The following RTTN variants were observed in gnomAD, a reference collection of about 807,000 sequenced individuals.
RTTN encodes the protein rotatin.
Under a neutral mutation model 269.2 loss-of-function variants are expected in RTTN, and 182 were observed. That is an observed-to-expected ratio of 0.68 (90% CI 0.60 to 0.76). The LOEUF (loss-of-function observed/expected upper bound fraction) is 0.76, where lower values mean the gene tolerates loss of function less well. RTTN is among the 30% of genes least tolerant of loss of function. The probability of loss-of-function intolerance (pLI) is 0.00; values close to 1 mark genes in which losing one functional copy is unlikely to be tolerated. For missense variants in RTTN, 2,545 were observed against 2,608.6 expected (o/e 0.98, Z 0.53); for synonymous variants, 1,006 against 963.5 (o/e 1.04, Z -0.82).
At chr18:70,089,487 C>G (rs936977851) in intron 30 of RTTN, among the ~76,000 whole-genome samples, 16 of 152,008 alleles carry the variant, frequency 1.1e-4, no homozygotes, top group African/African-American at 3.9e-4. Flanking sequence ...GTTATGGAAG[C>G]CTGAGCACAC....
intron 23 of RTTN, chr18:70,131,485 T>C (rs575321259): frequency 1.3e-5 from 2 of 151,584 alleles, no homozygotes; most frequent in African/African-American, 2.4e-5. Context: ...AGGAAGTAAA[T>C]TATAATCTCT....
intron 10 of RTTN, among the ~76,000 whole-genome samples, chr18:70,181,232 A>C (rs2061415307): frequency 1.3e-5 from 2 of 152,234 alleles, no homozygotes; most frequent in East Asian, 3.8e-4. Flanking sequence ...ATGAGTCATA[A>C]AGATGAAAAG....
intron 11 of RTTN, among the ~76,000 whole-genome samples, chr18:70,173,126 A>G (rs1361310654): frequency 6.6e-6 from 1 of 152,208 alleles, no homozygotes; most frequent in Non-Finnish European, 1.5e-5. Context: ...GCAAAATACT[A>G]TATTTAAAAT....
chr18:70,048,039 C>A lies in RTTN; in HGVS notation c.5473G>T (p.Ala1825Ser). The A allele has an allele frequency of 6.2e-7, 1 of 1,614,088 alleles. No individual in the cohort carries two copies. The highest frequency in any genetic ancestry group is 1.1e-5 in the South Asian group (1 of 91,080). Residue 1825 changes from alanine to serine, a missense_variant, in exon 40 of 49, where the codon GCT becomes TCT. Ala to Ser is a moderately conservative substitution (Grantham distance 99). Transcript: ENST00000640769. ...KTHLCCSPTVASLLDDSQENQ... is the reference protein window; with the variant it reads ...KTHLCCSPTVSSLLDDSQENQ... The stretch of plus-strand genomic sequence containing the variant: ...TCCTGAGAGTCATCAAGAAGTGAAG[C>A]CACTGTTGGACTACAGCATAAATGT...
In RTTN at chr18:70,028,726, T is replaced by C; in HGVS notation, c.5821A>G (p.Lys1941Glu). The change falls in exon 43 of 49, where the codon AAA becomes GAA. Residue 1941 changes from lysine to glutamate, a missense_variant and splice_region_variant. Coordinates refer to ENST00000640769, the MANE Select transcript of RTTN (RefSeq NM_173630.4). ...TTTTGAAAAGTAGTTCTACTTACTT[T>C]ACATTCCTCATTTTGATAAAGACAG... ...RNCLYQNEEC[K>E]EAALEAHLVP... is the part of the protein sequence containing the mutation. 1 of 1,602,010 alleles carries C rather than the reference T, an allele frequency of 6.2e-7. No homozygotes were observed. The highest frequency in any genetic ancestry group is 8.5e-7 in the Non-Finnish European group (1 of 1,171,418).
Position 70,073,844 on chromosome 18 carries a change from T to C in RTTN, c.4653+62A>G, listed in dbSNP as rs569794318. On this transcript the variant is annotated intron_variant, in intron 34 of 48. Transcript: ENST00000640769. ...CACTTTGTATTCTTAACTCTCCCAC[T>C]AGGCAAACTCAAATTTTTTCAGAGA... 5 of 1,183,946 alleles carry C rather than the reference T, an allele frequency of 4.2e-6. No homozygotes were observed. In the African/African-American group the frequency reaches 7.5e-5, roughly 18 times the overall value. 73.3% of individuals were successfully genotyped at this position (1,183,946 alleles called of 1,614,324 possible).
intron 19 of RTTN, 118 bp from the exon 20 acceptor site, chr18:70,140,306 C>G (rs1006440826): frequency 1.6e-6 from 1 of 618,550 alleles, no homozygotes; most frequent in Non-Finnish European, 2.8e-6. Context: ...AATACTTAGA[C>G]CTGGGGTTGA....
chr18:70,121,567 G>T lies in RTTN; in HGVS notation c.3517C>A (p.Leu1173Ile). ...TTAACACCACTTACATGTCTAAGAA[G>T]TAATTCGAGAATCCAGTTTAGAAGT... is the stretch of plus-strand genomic sequence containing the variant. The part of the protein sequence containing the change: ...LELLNWILEL[L>I]LRHSANPLLD... Residue 1173 changes from leucine to isoleucine, a missense_variant, in exon 26 of 49, where the codon CTT becomes ATT. Coordinates refer to ENST00000640769, the MANE Select transcript of RTTN (RefSeq NM_173630.4). 1 of 1,565,070 alleles carries T rather than the reference G, an allele frequency of 6.4e-7. No individual in the cohort carries two copies. Among genetic ancestry groups the T allele is most frequent in the Non-Finnish European group, 8.6e-7 (1 of 1,165,730 alleles).
At chr18:70,010,822 A>G (rs1460134756) in intron 46 of RTTN, among the ~76,000 whole-genome samples, 1 of 152,220 alleles carries the variant, frequency 6.6e-6, no homozygotes, top group Non-Finnish European at 1.5e-5. Flanking sequence ...AAAGATTAAC[A>G]AAATAGATAG....
chr18:70,017,921 G>T (rs1461362608), intron 45 of RTTN, among the ~76,000 whole-genome samples: 1 of 152,084 alleles, frequency 6.6e-6, no homozygotes, highest in Non-Finnish European at 1.5e-5. Flanking sequence ...GTATACTATA[G>T]TTAACTCTTA....
intron 14 of RTTN, among the ~76,000 whole-genome samples, chr18:70,159,840 T>C (rs1219326887): frequency 2.6e-5 from 4 of 152,080 alleles, no homozygotes; most frequent in African/African-American, 4.8e-5. Context: ...GATAAATTTC[T>C]GGAAATATAC....
intron 46 of RTTN, chr18:70,008,414 G>C (rs886314768): frequency 6.6e-6 from 1 of 152,060 alleles, no homozygotes; most frequent in African/African-American, 2.4e-5. Context: ...GTTTGACGAA[G>C]TGACAGAAGC....
intron 35 of RTTN, 89 bp from the exon 36 acceptor site, chr18:70,060,131 G>A (rs1434859577): frequency 8.6e-7 from 1 of 1,163,506 alleles, no homozygotes; most frequent in East Asian, 2.6e-5. Flanking sequence ...GAAAGTTCCT[G>A]AAAATGATAA....
At position 70,092,187 on chromosome 18, in the gene RTTN, T is replaced by C. The variant is rs2058867155; in HGVS notation, c.4066A>G (p.Ser1356Gly). 6.2e-7 allele frequency: 1 copy of C among 1,613,078 alleles called. No individual in the cohort carries two copies. The highest frequency in any genetic ancestry group is 8.5e-7 in the Non-Finnish European group (1 of 1,179,198). Residue 1356 changes from serine (S) to glycine (G), a missense_variant, in exon 30 of 49, where the codon AGT becomes GGT. Ser to Gly is a moderately conservative substitution (Grantham distance 56). Transcript: ENST00000640769. ...GTAGGAATATGTTCTTCACTATGAC[T>C]ACCCAAAGGCAAGAACCAAAGTGAC... Reference protein sequence around the residue: ...WMSLWFLPLGSHSEEHIPTQQ... With the variant: ...WMSLWFLPLGGHSEEHIPTQQ...
intron 5 of RTTN, among the ~76,000 whole-genome samples, chr18:70,199,184 T>A (rs894384174): frequency 1.3e-5 from 2 of 152,018 alleles, no homozygotes; most frequent in Non-Finnish European, 2.9e-5. Context: ...AGACTCTGTC[T>A]CAAAAATAAA....
chr18:70,048,114 C>G lies in RTTN; in HGVS notation c.5398G>C (p.Val1800Leu). ...LYTASLQFLS[V>L]LLTEEAKGHL... Reference sequence around the variant, plus strand: ...CCTTTTGCTTCTTCGGTCAAGAGAACAGAAAGGAATTGCAAGCTGGCAGTA... The same window carrying G: ...CCTTTTGCTTCTTCGGTCAAGAGAAGAGAAAGGAATTGCAAGCTGGCAGTA... Residue 1800 changes from valine to leucine, a missense_variant, in exon 40 of 49, where the codon GTT becomes CTT. Coordinates refer to ENST00000640769, the MANE Select transcript of RTTN (RefSeq NM_173630.4). The G allele has an allele frequency of 6.2e-7, 1 of 1,614,040 alleles. No individual in the cohort carries two copies. Among genetic ancestry groups the G allele is most frequent in the Non-Finnish European group, 8.5e-7 (1 of 1,179,972 alleles).
chr18:70,027,310 T>C (rs187404089), intron 43 of RTTN, among the ~76,000 whole-genome samples: 1 of 152,200 alleles, frequency 6.6e-6, no homozygotes, highest in Non-Finnish European at 1.5e-5. Context: ...GAACATGCCA[T>C]ACACCTGATA....
chr18:70,160,511 G>C (rs980680891), intron 14 of RTTN, among the ~76,000 whole-genome samples: 13 of 151,874 alleles, frequency 8.6e-5, no homozygotes, highest in African/African-American at 2.7e-4. Flanking sequence ...TTGAGAACCA[G>C]AACAAGACAA....
intron 10 of RTTN, among the ~76,000 whole-genome samples, chr18:70,180,305 G>A (rs1055293781): frequency 6.6e-6 from 1 of 152,002 alleles, no homozygotes; most frequent in African/African-American, 2.4e-5. Context: ...GACCAGCTTG[G>A]CCAACATGGC....
Sources: allele counts gnomAD v4.1 joint callset (sites outside exome capture counted in the v4.1 genomes callset), GRCh38; gene constraint gnomAD v4.1.1; transcripts MANE v1.5; gene names NCBI Gene and HGNC (gene_info 2026-07-23, HGNC 2026-07-21).